Variants in LRP1B observed in about 807,000 individuals in gnomAD.
The protein encoded by LRP1B is LDL receptor related protein 1B.
LRP1B carries 217 observed loss-of-function variants against 556.6 expected under a neutral mutation model. The observed-to-expected ratio is 0.39, with a 90% CI of 0.35 to 0.44. The LOEUF is 0.44. Among genes scored for constraint, LRP1B ranks in the 20% least tolerant of loss-of-function variants. LRP1B has a pLI of 1.00. For missense variants in LRP1B, 5,053 were observed against 5,620.8 expected, an observed-to-expected ratio of 0.90 and a Z score of 3.23; for synonymous variants, 2,047 against 1,865.8, an observed-to-expected ratio of 1.10 and a Z score of -2.50.
intron 18 of LRP1B, among the ~76,000 whole-genome samples, chr2:140,961,775 T>C (rs948916339): frequency 1.3e-5 from 2 of 152,096 alleles, no homozygotes; most frequent in African/African-American, 2.4e-5. Context: ...TTTAAAGCTT[T>C]TAAAACTTTA....
At chr2:140,474,754 A>G (rs757976888) in intron 60 of LRP1B, among the ~76,000 whole-genome samples, 6 of 152,050 alleles carry the variant, frequency 3.9e-5, no homozygotes, top group East Asian at 3.9e-4. Context: ...TTATAAAACT[A>G]TACTTTTACT....
At chr2:140,391,966 G>C (rs1175904179) in intron 66 of LRP1B, among the ~76,000 whole-genome samples, 1 of 152,070 alleles carries the variant, frequency 6.6e-6, no homozygotes, top group Non-Finnish European at 1.5e-5. Flanking sequence ...GCTGGAGTGA[G>C]ACTGTCTGGA....
chr2:141,710,012 C>A (rs73963539), intron 2 of LRP1B, among the ~76,000 whole-genome samples: 3,116 of 151,992 alleles, frequency 0.021, 104 homozygotes, highest in African/African-American at 0.071. Context: ...CAATTTTATA[C>A]GGGTATTAAT....
At chr2:140,249,057 T>C (rs1337328949) in intron 86 of LRP1B, among the ~76,000 whole-genome samples, 2 of 149,880 alleles carry the variant, frequency 1.3e-5, no homozygotes, top group African/African-American at 4.9e-5. Flanking sequence ...AAAAAAAAAC[T>C]AAATCAGGTT....
chr2:141,179,132 TA>T (rs1169570487), intron 7 of LRP1B, among the ~76,000 whole-genome samples: 2 of 152,064 alleles, frequency 1.3e-5, no homozygotes, highest in African/African-American at 2.4e-5. Flanking sequence ...ATACAATAAT[TA>T]AAAAAACAGA....
In LRP1B at chr2:141,438,739, A is replaced by G. The variant is rs145502867; in HGVS notation, c.343+41657T>C. On this transcript the variant is annotated intron_variant, in intron 3 of 90. Coordinates refer to ENST00000389484, the MANE Select transcript of LRP1B (RefSeq NM_018557.3). The stretch of plus-strand genomic sequence containing the variant: ...CCATGATGAATCAGTAGTGCCCACA[A>G]TGAAAGCCAAGGAGTTAAACTGAGC... 5.3e-5 allele frequency among the ~76,000 whole-genome samples: 8 copies of G among 152,266 alleles called. No individual in the cohort carries two copies. In the East Asian group the frequency reaches 1.5e-3, roughly 29 times the overall value.
intron 2 of LRP1B, among the ~76,000 whole-genome samples, chr2:141,615,083 G>C (rs72857311): frequency 0.11 from 16,950 of 152,156 alleles, 1,139 homozygotes; most frequent in South Asian, 0.25. Flanking sequence ...TGATGAAAAT[G>C]AGAACATGTA....
At chr2:141,287,358 T>C (rs1281584721) in intron 3 of LRP1B, among the ~76,000 whole-genome samples, 1 of 151,050 alleles carries the variant, frequency 6.6e-6, no homozygotes, top group Non-Finnish European at 1.5e-5. Context: ...AGTCTCACTC[T>C]GTCGCCCAGG....
chr2:141,547,140 C>A lies in LRP1B; in HGVS notation c.206-66607G>T, dbSNP rs368558169. On this transcript the variant is annotated intron_variant, in intron 2 of 90. Coordinates refer to ENST00000389484, the MANE Select transcript of LRP1B (RefSeq NM_018557.3). ...AAACGCATCTAAAACTGTACTCTAC[C>A]TCTCAAACTGGTTCTTCTCTCAATG... Among the ~76,000 whole-genome samples the A allele has an allele frequency of 3.7e-4, 56 of 152,230 alleles. No individual in the cohort carries two copies. The East Asian group carries it at 4.3e-3, about 12-fold the overall frequency.
chr2:140,782,585 T>C (rs1341839637), intron 32 of LRP1B, among the ~76,000 whole-genome samples: 1 of 152,182 alleles, frequency 6.6e-6, no homozygotes, highest in Non-Finnish European at 1.5e-5. Flanking sequence ...TGTGGGACTT[T>C]GTTATGGAAG....
intron 1 of LRP1B, among the ~76,000 whole-genome samples, chr2:142,096,148 A>G (rs1706358666): frequency 2.6e-5 from 4 of 151,672 alleles, no homozygotes; most frequent in African/African-American, 4.8e-5. Flanking sequence ...GACTTCTTTT[A>G]TTTAGTTTTA....
intron 1 of LRP1B, among the ~76,000 whole-genome samples, chr2:142,039,986 T>C (rs1436570500): frequency 6.6e-6 from 1 of 151,496 alleles, no homozygotes; most frequent in East Asian, 1.9e-4. Context: ...TTGTTTACCA[T>C]AGTTCCTCCT....
intron 1 of LRP1B, among the ~76,000 whole-genome samples, chr2:142,109,155 C>A (rs1000457391): frequency 6.6e-6 from 1 of 152,182 alleles, no homozygotes; most frequent in Non-Finnish European, 1.5e-5. Flanking sequence ...TGACAGAATT[C>A]TGTTACATGT....
intron 11 of LRP1B, among the ~76,000 whole-genome samples, chr2:141,022,887 A>T (rs1698105364): frequency 6.6e-6 from 1 of 151,932 alleles, no homozygotes; most frequent in Admixed American, 6.6e-5. Context: ...ATTATTGCAT[A>T]ACTAATAGCA....
chr2:141,893,283 C>T (rs1699345695), intron 1 of LRP1B, among the ~76,000 whole-genome samples: 1 of 152,170 alleles, frequency 6.6e-6, no homozygotes, highest in Non-Finnish European at 1.5e-5. Flanking sequence ...TCACTGCAAC[C>T]TCCACCTCCC....
intron 77 of LRP1B, among the ~76,000 whole-genome samples, chr2:140,346,516 A>AT (rs895728305): frequency 2.0e-5 from 3 of 151,906 alleles, no homozygotes; most frequent in Non-Finnish European, 2.9e-5. Context: ...ATAGCTTTAG[A>AT]TTTTTTCCAC....
At chr2:141,673,965 A>G (rs1690777242) in intron 2 of LRP1B, among the ~76,000 whole-genome samples, 1 of 152,046 alleles carries the variant, frequency 6.6e-6, no homozygotes, top group African/African-American at 2.4e-5. Context: ...AACTGTGATG[A>G]AAATATGAAG....
At chr2:141,052,552 CA>C (rs1392894505) in intron 10 of LRP1B, among the ~76,000 whole-genome samples, 1 of 151,952 alleles carries the variant, frequency 6.6e-6, no homozygotes, top group Non-Finnish European at 1.5e-5. Flanking sequence ...TTTCCTTAAT[CA>C]AAAGTAAAGT....
intron 15 of LRP1B, among the ~76,000 whole-genome samples, chr2:141,000,619 C>T (rs559335512): frequency 9.2e-5 from 14 of 151,916 alleles, no homozygotes; most frequent in African/African-American, 1.7e-4. Context: ...GCACTGTGGG[C>T]GAAAGGAGCA....
Sources: gnomAD v4.1 joint callset for allele counts (sites outside exome capture counted in the v4.1 genomes callset) on GRCh38, gnomAD v4.1.1 for gene constraint, MANE v1.5 for transcripts, NCBI Gene and HGNC (gene_info 2026-07-23, HGNC 2026-07-21) for gene names.